LITAF: variants seen among roughly 807,000 people sequenced by gnomAD.
The protein encoded by LITAF is lipopolysaccharide induced TNF factor.
A neutral mutation model predicts 14.5 loss-of-function variants in LITAF; 9 were observed. The ratio of observed to expected loss-of-function variants is 0.62; its 90% confidence interval spans 0.37 to 1.08. The LOEUF (loss-of-function observed/expected upper bound fraction) is 1.08, where lower values mean the gene tolerates loss of function less well. Ranked by LOEUF, LITAF falls within the 50% of genes least tolerant of loss-of-function variation. The probability of loss-of-function intolerance (pLI) is 0.01; values close to 1 mark genes in which losing one functional copy is unlikely to be tolerated. For synonymous variants in LITAF, 98 were observed against 88.2 expected, an observed-to-expected ratio of 1.11 and a Z score of -0.62; for missense variants, 206 against 213.4, an observed-to-expected ratio of 0.97 and a Z score of 0.22.
rs1473428731 is a variant in LITAF, at chr16:11,632,747, C to T, written c.85+786G>A. Among the ~76,000 whole-genome samples the T allele has an allele frequency of 1.3e-5, 2 of 152,236 alleles. No homozygotes were observed. Among genetic ancestry groups the T allele is most frequent in the African/African-American group, 4.8e-5 (2 of 41,468 alleles). ...GCTCTGCTGGCTCTGAGCGCAGAGT[C>T]CAGCCCCCATGCACATGACTATGTG... On this transcript the variant is annotated intron_variant, in intron 3 of 3. Coordinates refer to the LITAF transcript ENST00000574848. This position sits in a 1 kb window ranked among gnomAD's most constrained non-coding sequence, Gnocchi z 4.8.
chr16:11,552,893 C>T lies in LITAF; in HGVS notation c.377+640G>A, dbSNP rs545920471. On this transcript the variant is annotated intron_variant, in intron 3 of 3. Transcript: ENST00000622633. Reference sequence around the variant, plus strand: ...CTTTGGGAGGCTGAGGCGGGTGGACCACCTGAGGTCAGGAGTTCGAGACCA... The same window carrying T: ...CTTTGGGAGGCTGAGGCGGGTGGACTACCTGAGGTCAGGAGTTCGAGACCA... Among the ~76,000 whole-genome samples, 342 of 152,130 alleles carry T rather than the reference C, an allele frequency of 2.2e-3. 1 individual carries two copies. Among genetic ancestry groups the T allele is most frequent in the African/African-American group, 8.1e-3 (337 of 41,486 alleles).
intron 3 of LITAF, among the ~76,000 whole-genome samples, chr16:11,630,642 G>A (rs1049320279): frequency 3.3e-5 from 5 of 149,772 alleles, no homozygotes; most frequent in Admixed American, 2.7e-4. Flanking sequence ...GCAGTGGTGA[G>A]ATCAAAGCTC....
chr16:11,564,603 A>AT (rs5815646), intron 1 of LITAF, among the ~76,000 whole-genome samples: 123,547 of 151,564 alleles, frequency 0.82, 50,465 homozygotes, highest in Admixed American at 0.86. Context: ...GGGGAGTGCA[A>AT]GGATAAGCCT....
In LITAF at chr16:11,549,490, C is replaced by T. The variant is rs371908378; in HGVS notation, c.*147G>A. 1.6e-4 allele frequency: 114 copies of T among 696,944 alleles called. No homozygotes were observed. The African/African-American group carries it at 1.7e-3, about 10-fold the overall frequency. The allele number at this position is 696,944 out of a possible 1,614,324, so 43.2% of individuals were successfully genotyped here. ...GGGGTTTGGAGATTTGTTAGTTTTG[C>T]GACGTATTCCCCCCAAAAGAAGACA... is the stretch of plus-strand genomic sequence containing the variant. On this transcript the variant is annotated 3_prime_UTR_variant, in exon 4 of 4. Coordinates refer to ENST00000622633, the MANE Select transcript of LITAF (RefSeq NM_001136472.2). This position sits in a 1 kb window ranked among gnomAD's most constrained non-coding sequence, Gnocchi z 4.6.
At chr16:11,602,760 CAAA>C (rs35880448), upstream of LITAF, among the ~76,000 whole-genome samples, 317 of 114,188 alleles carry the variant, frequency 2.8e-3, no homozygotes, top group African/African-American at 9.3e-3. Context: ...TGGCTTGTTG[CAAA>C]AAAAAAAAAA....
At position 11,565,567 on chromosome 16, in the gene LITAF, C is replaced by T. The variant is rs926969272; in HGVS notation, c.-5-8832G>A. On this transcript the variant is annotated intron_variant, in intron 1 of 3. Coordinates refer to ENST00000622633, the MANE Select transcript of LITAF (RefSeq NM_001136472.2). ...CTGCTGGTCTTGGTTCAGTCCATCC[C>T]GGGCCCGTTTGTTTAAAATCAAGCC... 3.3e-5 allele frequency among the ~76,000 whole-genome samples: 5 copies of T among 151,978 alleles called. No individual in the cohort carries two copies. In the East Asian group the frequency reaches 7.7e-4, roughly 23 times the overall value.
chr16:11,600,233 G>A (rs1314566113), upstream of LITAF, among the ~76,000 whole-genome samples: 1 of 152,136 alleles, frequency 6.6e-6, no homozygotes, highest in Non-Finnish European at 1.5e-5. The surrounding 1 kb of genome is among the most constrained non-coding windows in gnomAD (Gnocchi z 4.1). Context: ...GGAACTCCTG[G>A]CCTCAAGCAC....
At chr16:11,587,692 T>C (rs1376060135), upstream of LITAF, 1 of 215,088 alleles carries the variant, frequency 4.6e-6, no homozygotes, top group Middle Eastern at 1.8e-3. Flanking sequence ...TAGCCCCATT[T>C]CACATCCGCC....
intron 1 of LITAF, among the ~76,000 whole-genome samples, chr16:11,565,086 CT>C (rs35652163): frequency 0.019 from 2,636 of 137,794 alleles, 85 homozygotes; most frequent in African/African-American, 0.066. Flanking sequence ...ACTGAATTAT[CT>C]TTTTTTTTTT....
At chr16:11,579,496 A>T in intron 1 of LITAF, among the ~76,000 whole-genome samples, 1 of 131,382 alleles carries the variant, frequency 7.6e-6, no homozygotes, top group Admixed American at 7.4e-5. Context: ...AAATAAAATA[A>T]AATAAAATAA....
intron 1 of LITAF, among the ~76,000 whole-genome samples, chr16:11,560,403 G>C (rs985060912): frequency 2.6e-5 from 4 of 151,564 alleles, no homozygotes; most frequent in Non-Finnish European, 5.9e-5. Context: ...TTGAGGTAAG[G>C]AGTTCGAGAC....
At position 11,618,331 on chromosome 16, in the gene LITAF, C is replaced by A. The variant is rs149893757; in HGVS notation, c.85+15202G>T. Among the ~76,000 whole-genome samples the A allele has an allele frequency of 1.2e-4, 19 of 152,312 alleles. No individual in the cohort carries two copies. The East Asian group carries it at 3.7e-3, about 29-fold the overall frequency. The stretch of plus-strand genomic sequence containing the variant: ...CTAGCAGGTGCCTCCCCTGGCAAGG[C>A]GGGAGGAGAGCCCTGAATTTGTAAT... On this transcript the variant is annotated intron_variant, in intron 3 of 3. Transcript: ENST00000574848.
rs1425460606 is a variant in LITAF, at chr16:11,595,552, AC to A, written c.-6+2835del. 5.9e-5 allele frequency among the ~76,000 whole-genome samples: 9 copies of A among 152,160 alleles called. No individual in the cohort carries two copies. In the East Asian group the frequency reaches 1.7e-3, roughly 29 times the overall value. On this transcript the variant is annotated intron_variant, in intron 1 of 3. Coordinates refer to the LITAF transcript ENST00000571627. ...AGACCATCCTGGCTAACACAGTGAA[AC>A]CCTGTCTTTACTAAAAATACAAAAA...
At chr16:11,550,240 C>T (rs1174715389) in intron 3 of LITAF, among the ~76,000 whole-genome samples, 1 of 152,238 alleles carries the variant, frequency 6.6e-6, no homozygotes, top group East Asian at 1.9e-4. Flanking sequence ...CAGGCGCATG[C>T]CACCAGGCCC....
intron 1 of LITAF, 138 bp from the exon 2 acceptor site, chr16:11,556,873 G>C: frequency 1.3e-6 from 1 of 778,096 alleles, no homozygotes; most frequent in South Asian, 1.5e-5. Flanking sequence ...CCAAAAGCTA[G>C]GAAGAGGGTT....
upstream of LITAF, among the ~76,000 whole-genome samples, chr16:11,603,455 C>G (rs1280278019): frequency 1.3e-5 from 2 of 152,186 alleles, no homozygotes; most frequent in African/African-American, 4.8e-5. Flanking sequence ...CCTTCTCTTC[C>G]CCTCCAGAAA....
At chr16:11,569,372 C>T (rs2064506723) in intron 1 of LITAF, among the ~76,000 whole-genome samples, 1 of 152,142 alleles carries the variant, frequency 6.6e-6, no homozygotes, top group African/African-American at 2.4e-5. Context: ...TCCCAAGTAC[C>T]TGGGATTACA....
Position 11,586,828 on chromosome 16 carries a change from CG to C in LITAF, c.-6+57del, listed in dbSNP as rs2064813409. On this transcript the variant is annotated intron_variant, in intron 1 of 3. Coordinates refer to ENST00000622633, the MANE Select transcript of LITAF (RefSeq NM_001136472.2). This position sits in a 1 kb window ranked among gnomAD's most constrained non-coding sequence, Gnocchi z 6.5. ...GGCCCCCAGCAGGTGCTGGCGCCAC[CG>C]GCCCCCCGCTGTCTCCCGCTGGTCC... 6.6e-6 allele frequency: 1 copy of C among 151,964 alleles called. No individual in the cohort carries two copies. The allele number at this position is 151,964 out of a possible 1,614,324, so 9.4% of individuals were successfully genotyped here.
intron 3 of LITAF, among the ~76,000 whole-genome samples, chr16:11,614,673 C>G (rs972296104): frequency 1.1e-4 from 17 of 152,144 alleles, no homozygotes; most frequent in African/African-American, 4.1e-4. Context: ...AACTTCAGCT[C>G]ACTGCAACCT....
Sources: allele counts gnomAD v4.1 joint callset (sites outside exome capture counted in the v4.1 genomes callset), GRCh38; gene constraint gnomAD v4.1.1; non-coding constraint Gnocchi (gnomAD v3.1); transcripts MANE v1.5; gene names NCBI Gene and HGNC (gene_info 2026-07-23, HGNC 2026-07-21).